Variants in FYN observed in about 807,000 individuals in gnomAD.
FYN encodes tyrosine-protein kinase Fyn.
A neutral mutation model predicts 70.2 loss-of-function variants in FYN; 10 were observed. The observed-to-expected ratio is 0.14, with a 90% CI of 0.09 to 0.24. The LOEUF (loss-of-function observed/expected upper bound fraction) is 0.24. FYN is among the 10% of genes least tolerant of loss of function. The pLI is 1.00. For synonymous variants in FYN, 236 were observed against 248.6 expected (o/e 0.95, Z 0.48); for missense variants, 319 against 673.1 (o/e 0.47, Z 5.82).
intron 12 of FYN, among the ~76,000 whole-genome samples, chr6:111,687,012 T>G (rs996263427): frequency 2.0e-5 from 3 of 152,254 alleles, no homozygotes; most frequent in African/African-American, 7.2e-5. Flanking sequence ...TCAACCTAGC[T>G]GCCTGCTTGT....
At chr6:111,808,764 T>C (rs558039950) in intron 2 of FYN, among the ~76,000 whole-genome samples, 1 of 152,284 alleles carries the variant, frequency 6.6e-6, no homozygotes, top group South Asian at 2.1e-4. Context: ...CTAAAGGCTG[T>C]GCCACACCCA....
At chr6:111,854,049 T>C (rs1773758260) in intron 1 of FYN, among the ~76,000 whole-genome samples, 1 of 152,188 alleles carries the variant, frequency 6.6e-6, no homozygotes. Flanking sequence ...TTTATGCCTG[T>C]TGTCGCAGCA....
At chr6:111,687,317 C>A (rs1400089663) in intron 12 of FYN, among the ~76,000 whole-genome samples, 3 of 152,170 alleles carry the variant, frequency 2.0e-5, no homozygotes, top group Non-Finnish European at 4.4e-5. Context: ...TGAACAGACA[C>A]ATTTTTCTTC....
chr6:111,843,474 C>T (rs1773425398), intron 2 of FYN, among the ~76,000 whole-genome samples: 1 of 152,138 alleles, frequency 6.6e-6, no homozygotes, highest in South Asian at 2.1e-4. Context: ...CTAAAAGATT[C>T]TGTGGAAAAG....
chr6:111,719,600 A>G (rs1800836920), intron 4 of FYN: 3 of 577,458 alleles, frequency 5.2e-6, no homozygotes, highest in Admixed American at 3.1e-5. Context: ...AACTTGGGGC[A>G]CCTTGCAACC....
At chr6:111,725,946 G>A (rs958023731) in intron 3 of FYN, among the ~76,000 whole-genome samples, 1 of 152,190 alleles carries the variant, frequency 6.6e-6, no homozygotes, top group African/African-American at 2.4e-5. Flanking sequence ...CCCGTGAACG[G>A]TATGCCAGTT....
chr6:111,680,154 T>G (rs1440345922), intron 12 of FYN, among the ~76,000 whole-genome samples: 1 of 152,154 alleles, frequency 6.6e-6, no homozygotes, highest in Non-Finnish European at 1.5e-5. Flanking sequence ...TATCAAAGTT[T>G]GTCCACAGAA....
rs573163370 is a variant in FYN, at chr6:111,847,357, T to G, written c.-122-728A>C. 4.6e-4 allele frequency among the ~76,000 whole-genome samples: 70 copies of G among 152,356 alleles called. No individual in the cohort carries two copies. The South Asian group carries it at 0.015, about 32-fold the overall frequency. On this transcript the variant is annotated intron_variant, in intron 1 of 13. Coordinates refer to ENST00000354650, the MANE Select transcript of FYN (RefSeq NM_002037.5). ...AGCTTTCCAGTTTGCTCACACGCTG[T>G]GCCTACAACTGGCCAATATTATGGT...
chr6:111,724,653 G>A (rs1399257814), intron 3 of FYN, among the ~76,000 whole-genome samples: 1 of 152,330 alleles, frequency 6.6e-6, no homozygotes, highest in Non-Finnish European at 1.5e-5. Context: ...AGGAGGAATG[G>A]CAGGAAGAGG....
chr6:111,696,511 A>G, intron 9 of FYN, 55 bp from the exon 10 acceptor site: 2 of 1,412,638 alleles, frequency 1.4e-6, no homozygotes, highest in South Asian at 1.5e-5. Flanking sequence ...TGATGGAAAA[A>G]GGTTTTGACC....
chr6:111,791,866 G>A (rs574946950), intron 2 of FYN, among the ~76,000 whole-genome samples: 28 of 152,246 alleles, frequency 1.8e-4, no homozygotes, highest in African/African-American at 6.5e-4. Flanking sequence ...AACTTCCACC[G>A]TATACCATGC....
intron 13 of FYN, among the ~76,000 whole-genome samples, chr6:111,666,954 G>A (rs1400851563): frequency 1.3e-5 from 2 of 152,144 alleles, no homozygotes; most frequent in Admixed American, 1.3e-4. Flanking sequence ...TTTCCAGTCA[G>A]TCTGCCCCAA....
intron 2 of FYN, among the ~76,000 whole-genome samples, chr6:111,786,011 A>G (rs1471106633): frequency 6.7e-6 from 1 of 149,616 alleles, no homozygotes; most frequent in Admixed American, 6.7e-5. Context: ...TTCTTTTTTT[A>G]TGGCTGCATA....
intron 3 of FYN, among the ~76,000 whole-genome samples, chr6:111,732,506 C>T (rs1169047442): frequency 1.3e-5 from 2 of 152,146 alleles, no homozygotes; most frequent in Non-Finnish European, 2.9e-5. Context: ...CGGGTGAAGG[C>T]AGGTGAAGGG....
intron 2 of FYN, among the ~76,000 whole-genome samples, chr6:111,781,320 T>C (rs1771163405): frequency 6.6e-6 from 1 of 152,148 alleles, no homozygotes; most frequent in Admixed American, 6.5e-5. Context: ...TTCACAGTGG[T>C]GCTGGGAACA....
At chr6:111,755,591 T>C (rs1802696076) in intron 3 of FYN, among the ~76,000 whole-genome samples, 1 of 152,194 alleles carries the variant, frequency 6.6e-6, no homozygotes, top group Non-Finnish European at 1.5e-5. Context: ...ATTCACGGAA[T>C]ATTTAAAAAG....
At chr6:111,844,860 A>G (rs1202601837) in intron 2 of FYN, 1 of 152,186 alleles carries the variant, frequency 6.6e-6, no homozygotes, top group African/African-American at 2.4e-5. Context: ...CAAAAACAAA[A>G]TGTATTTGGT....
At chr6:111,826,937 TTTA>T (rs1772853609) in intron 2 of FYN, among the ~76,000 whole-genome samples, 1 of 152,184 alleles carries the variant, frequency 6.6e-6, no homozygotes, top group African/African-American at 2.4e-5. Flanking sequence ...GAAAGGGACC[TTTA>T]GAGATGAGAA....
chr6:111,719,770 C>T (rs1800843088), intron 4 of FYN, 35 bp downstream of exon 4: 3 of 1,597,134 alleles, frequency 1.9e-6, no homozygotes, highest in South Asian at 2.2e-5. Flanking sequence ...AGGGTGGCTG[C>T]CCCCTCTCTG....
Sources: allele counts gnomAD v4.1 joint callset (sites outside exome capture counted in the v4.1 genomes callset), GRCh38; gene constraint gnomAD v4.1.1; transcripts MANE v1.5; gene names NCBI Gene and HGNC (gene_info 2026-07-23, HGNC 2026-07-21).